Variants in PEX7 observed in about 807,000 individuals in gnomAD.
The protein encoded by PEX7 is PTS2 receptor.
Under a neutral mutation model 47.5 loss-of-function variants are expected in PEX7, and 34 were observed. The ratio of observed to expected loss-of-function variants is 0.72; its 90% CI spans 0.54 to 0.95. The LOEUF is 0.95. Ranked by LOEUF, PEX7 falls within the 40% of genes least tolerant of loss-of-function variation. The pLI is 0.00. For missense variants in PEX7, 394 were observed against 400.3 expected (o/e 0.98, Z 0.13); for synonymous variants, 141 against 148.8 (o/e 0.95, Z 0.38).
At position 136,893,268 on chromosome 6, in the gene PEX7, T is replaced by G. The variant is rs137989290; in HGVS notation, c.804-4874T>G. Among the ~76,000 whole-genome samples, 597 of 152,226 alleles carry G rather than the reference T, an allele frequency of 3.9e-3. 3 individuals are homozygous for G. Among genetic ancestry groups the G allele is most frequent in the African/African-American group, 0.014 (575 of 41,544 alleles). ...CAAGACCTGTTTGACCTGGCCCTGC[T>G]TACGTCCTGGAACATTCTTCCCTTT... is the stretch of plus-strand genomic sequence containing the variant. On this transcript the variant is annotated intron_variant, in intron 8 of 9. Transcript: ENST00000318471.
intron 9 of PEX7, 45 bp from the exon 10 acceptor site, chr6:136,913,413 T>C: frequency 7.2e-7 from 1 of 1,383,834 alleles, no homozygotes; most frequent in Non-Finnish European, 1.0e-6. Context: ...TTTGAATTTT[T>C]GTATGTCTAA....
intron 6 of PEX7, 72 bp downstream of exon 6, chr6:136,866,805 T>C (rs1443638828): frequency 3.0e-6 from 4 of 1,323,530 alleles, no homozygotes; most frequent in Non-Finnish European, 3.2e-6. Flanking sequence ...TATTTGTCTT[T>C]GTTTATGTGG....
intron 3 of PEX7, chr6:136,830,051 G>C: frequency 1.4e-6 from 1 of 714,580 alleles, no homozygotes; most frequent in Admixed American, 2.0e-5. Context: ...GCAACTAATG[G>C]GTCATTTTCT....
intron 8 of PEX7, among the ~76,000 whole-genome samples, chr6:136,883,214 T>A (rs927690984): frequency 2.0e-5 from 3 of 152,198 alleles, no homozygotes; most frequent in Non-Finnish European, 4.4e-5. Context: ...GTTAATTTAT[T>A]AATTTTAAAT....
chr6:136,843,103 GC>G (rs1220397770), intron 3 of PEX7, among the ~76,000 whole-genome samples: 69 of 152,308 alleles, frequency 4.5e-4, no homozygotes, highest in African/African-American at 1.7e-3. Flanking sequence ...CAAGTAGCAT[GC>G]TGTACAGATA....
chr6:136,839,616 C>G (rs1203520200), intron 3 of PEX7, among the ~76,000 whole-genome samples: 1 of 152,164 alleles, frequency 6.6e-6, no homozygotes. Flanking sequence ...TATCTCTCTT[C>G]CTTTTTATAT....
At chr6:136,858,434 G>A (rs1464192966) in intron 5 of PEX7, among the ~76,000 whole-genome samples, 1 of 152,174 alleles carries the variant, frequency 6.6e-6, no homozygotes, top group East Asian at 1.9e-4. Context: ...ACGCTGGAAA[G>A]CATGGTTGTA....
intron 5 of PEX7, among the ~76,000 whole-genome samples, chr6:136,862,156 C>T (rs371795432): frequency 2.7e-5 from 4 of 149,776 alleles, no homozygotes; most frequent in East Asian, 3.9e-4. Flanking sequence ...AACCTCCACC[C>T]CTGGGGTTCA....
intron 6 of PEX7, among the ~76,000 whole-genome samples, chr6:136,869,139 G>T (rs1775127310): frequency 6.6e-6 from 1 of 152,150 alleles, no homozygotes; most frequent in South Asian, 2.1e-4. Context: ...TGCCCAGGCT[G>T]GTCTCAAACT....
At chr6:136,910,338 G>A (rs933564086) in intron 9 of PEX7, among the ~76,000 whole-genome samples, 2 of 152,154 alleles carry the variant, frequency 1.3e-5, no homozygotes, top group Non-Finnish European at 2.9e-5. Flanking sequence ...ACTTCATAGA[G>A]GAGATGATAC....
At chr6:136,840,069 A>G (rs1390609522) in intron 3 of PEX7, among the ~76,000 whole-genome samples, 1 of 152,224 alleles carries the variant, frequency 6.6e-6, no homozygotes, top group Non-Finnish European at 1.5e-5. Flanking sequence ...ATGCTTGACC[A>G]GAGAGGATAG....
intron 5 of PEX7, among the ~76,000 whole-genome samples, chr6:136,860,527 G>A (rs1774940750): frequency 6.6e-6 from 1 of 151,006 alleles, no homozygotes; most frequent in Non-Finnish European, 1.5e-5. Flanking sequence ...TGGGGTGGGG[G>A]AAGGCGGGAG....
chr6:136,871,625 C>T (rs1775183083), intron 7 of PEX7, among the ~76,000 whole-genome samples: 1 of 152,114 alleles, frequency 6.6e-6, no homozygotes, highest in African/African-American at 2.4e-5. Flanking sequence ...GTGGCATGAT[C>T]TCGGCTCACT....
intron 8 of PEX7, among the ~76,000 whole-genome samples, chr6:136,876,337 G>A (rs554218910): frequency 2.6e-5 from 4 of 152,060 alleles, no homozygotes; most frequent in Non-Finnish European, 5.9e-5. Context: ...GCGCCCGGCC[G>A]ATTAAATTTT....
chr6:136,884,460 T>C (rs1775432335), intron 8 of PEX7, among the ~76,000 whole-genome samples: 1 of 152,194 alleles, frequency 6.6e-6, no homozygotes, highest in African/African-American at 2.4e-5. Context: ...ATGGCTAATA[T>C]TTGCAACACA....
At chr6:136,871,597 C>T (rs1271209531) in intron 7 of PEX7, among the ~76,000 whole-genome samples, 6 of 152,064 alleles carry the variant, frequency 3.9e-5, no homozygotes, top group South Asian at 2.1e-4. Context: ...CTCTCTCTGT[C>T]GCCGGGGCTG....
intron 9 of PEX7, among the ~76,000 whole-genome samples, chr6:136,910,735 T>G (rs986352841): frequency 6.6e-6 from 1 of 152,244 alleles, no homozygotes; most frequent in Non-Finnish European, 1.5e-5. Flanking sequence ...GCCTTTGTAA[T>G]AAGCATGAAA....
chr6:136,908,000 A>G (rs1775872339), intron 9 of PEX7, among the ~76,000 whole-genome samples: 1 of 151,910 alleles, frequency 6.6e-6, no homozygotes. Flanking sequence ...CTATCTTTGG[A>G]TTTATGTAGC....
Position 136,900,528 on chromosome 6 carries a change from C to A in PEX7, c.903+2287C>A. The A allele has an allele frequency of 2.1e-6, 1 of 469,808 alleles. No individual in the cohort carries two copies. Among genetic ancestry groups the A allele is most frequent in the Non-Finnish European group, 4.2e-6 (1 of 235,982 alleles). 29.1% of individuals were successfully genotyped at this position (469,808 alleles called of 1,614,324 possible). On this transcript the variant is annotated intron_variant, in intron 9 of 9. Coordinates refer to ENST00000318471, the MANE Select transcript of PEX7 (RefSeq NM_000288.4). This position sits in a 1 kb window ranked among gnomAD's most constrained non-coding sequence, Gnocchi z 4.2. ...AATTGGTCCTGATAGCTTCCACCAT[C>A]TTAGCCAAAGCCCTTTTGTCTTCCG...
Sources: allele counts gnomAD v4.1 joint callset (sites outside exome capture counted in the v4.1 genomes callset), GRCh38; gene constraint gnomAD v4.1.1; non-coding constraint Gnocchi (gnomAD v3.1); transcripts MANE v1.5; gene names NCBI Gene and HGNC (gene_info 2026-07-23, HGNC 2026-07-21).